PNKD: variants seen among roughly 807,000 people sequenced by gnomAD.
The protein encoded by PNKD is probable thioesterase PNKD.
A neutral mutation model predicts 45.3 loss-of-function variants in PNKD; 36 were observed. The ratio of observed to expected loss-of-function variants is 0.80; its 90% confidence interval spans 0.61 to 1.05. The LOEUF is 1.05. PNKD is among the 50% of genes least tolerant of loss of function. The probability of loss-of-function intolerance (pLI) is 0.00; values close to 1 mark genes in which losing one functional copy is unlikely to be tolerated. For synonymous variants in PNKD, 197 were observed against 210.1 expected (o/e 0.94, Z 0.54); for missense variants, 511 against 506.6 (o/e 1.01, Z -0.08).
At chr2:218,284,927 T>TA (rs1692380884) in intron 2 of PNKD, among the ~76,000 whole-genome samples, 1 of 152,042 alleles carries the variant, frequency 6.6e-6, no homozygotes, top group South Asian at 2.1e-4. Context: ...CCGTCTCTAC[T>TA]AAAAATATAA....
chr2:218,308,345 C>T (rs1015875269), intron 2 of PNKD, among the ~76,000 whole-genome samples: 1 of 151,884 alleles, frequency 6.6e-6, no homozygotes, highest in Non-Finnish European at 1.5e-5. Flanking sequence ...CCCGCCACTA[C>T]ACCCAACTAA....
intron 2 of PNKD, among the ~76,000 whole-genome samples, chr2:218,304,009 T>G (rs1453495184): frequency 1.3e-5 from 2 of 152,192 alleles, no homozygotes; most frequent in African/African-American, 4.8e-5. Flanking sequence ...CAGCTGAGTT[T>G]GGCAGTGGAG....
At chr2:218,271,289 CAGCCGCTCCTCCCA>C in intron 1 of PNKD, 78 bp from the exon 2 acceptor site, 1 of 1,055,672 alleles carries the variant, frequency 9.5e-7, no homozygotes, top group Non-Finnish European at 1.5e-6. Context: ...CCCCAGATCT[CAGCCGCTCCTCCCA>C]AGCCCTTACT....
Position 218,342,120 on chromosome 2 carries a change from G to T in PNKD, c.757G>T (p.Asp253Tyr). Residue 253 changes from aspartate to tyrosine, a missense_variant, in exon 7 of 10, where the codon GAC (aspartate) becomes TAC (tyrosine). Physicochemically the swap from Asp to Tyr is radical, Grantham distance 160 (BLOSUM62 -3). Coordinates refer to ENST00000273077, the MANE Select transcript of PNKD (RefSeq NM_015488.5). Reference sequence around the variant, plus strand: ...GGGTCCCTCCTGCCTCTTCTCAGGGGACCTGCTCTTCCTCTCTGGCTGTGG... The same window carrying T: ...GGGTCCCTCCTGCCTCTTCTCAGGGTACCTGCTCTTCCTCTCTGGCTGTGG... Reference protein sequence around the residue: ...YKGPSCLFSGDLLFLSGCGRT... With the variant: ...YKGPSCLFSGYLLFLSGCGRT... 1 of 1,613,710 alleles carries T rather than the reference G, an allele frequency of 6.2e-7. No individual in the cohort carries two copies. Among genetic ancestry groups the T allele is most frequent in the Non-Finnish European group, 8.5e-7 (1 of 1,179,924 alleles).
intron 2 of PNKD, among the ~76,000 whole-genome samples, chr2:218,313,827 T>G (rs1357870190): frequency 6.6e-6 from 1 of 152,172 alleles, no homozygotes; most frequent in Admixed American, 6.6e-5. Flanking sequence ...CTTCAGGATT[T>G]TATTCTTGTT....
At chr2:218,293,643 T>TG (rs1357093522) in intron 2 of PNKD, among the ~76,000 whole-genome samples, 3 of 141,746 alleles carry the variant, frequency 2.1e-5, no homozygotes, top group Non-Finnish European at 3.0e-5. Context: ...TGGAGTGCAG[T>TG]GGCGCCATCT....
chr2:218,298,671 C>G lies in PNKD; in HGVS notation c.236+27122C>G, dbSNP rs551260154. Among the ~76,000 whole-genome samples, 3 of 152,194 alleles carry G rather than the reference C, an allele frequency of 2.0e-5. No individual in the cohort carries two copies. The East Asian group carries it at 5.8e-4, about 29-fold the overall frequency. ...CAGGGCCTGGAGGGATGAACTTGCC[C>G]GAGCTGGGAGCTCAGCAGGGCCAGG... On this transcript the variant is annotated intron_variant, in intron 2 of 9. Coordinates refer to ENST00000273077, the MANE Select transcript of PNKD (RefSeq NM_015488.5).
Position 218,284,241 on chromosome 2 carries a change from T to TC in PNKD, c.236+12695dup, listed in dbSNP as rs1692316535. On this transcript the variant is annotated intron_variant, in intron 2 of 9. Transcript: ENST00000273077. ...CCAACCGTGATGTCACCATGACGTG[T>TC]CCCAGCACCTCCTCAGGGTGCACCT... 2.0e-5 allele frequency: 3 copies of TC among 151,522 alleles called. No individual in the cohort carries two copies. In the South Asian group the frequency reaches 6.3e-4, roughly 32 times the overall value. The allele number at this position is 151,522 out of a possible 1,614,324, so 9.4% of individuals were successfully genotyped here. A position where few individuals can be genotyped will look rare whatever the true frequency, so the allele number is the denominator to read the frequency against.
intron 2 of PNKD, among the ~76,000 whole-genome samples, chr2:218,293,629 A>T (rs1693055405): frequency 8.3e-6 from 1 of 121,140 alleles, no homozygotes; most frequent in South Asian, 2.8e-4. Context: ...TCTGTCACCC[A>T]GGCTGGAGTG....
rs1264456475 is a variant in PNKD, at chr2:218,271,633, G to A, written c.236+84G>A. The A allele has an allele frequency of 4.0e-6, 5 of 1,243,606 alleles. No individual in the cohort carries two copies. In the South Asian group the frequency reaches 5.3e-5, roughly 13 times the overall value. 77.0% of individuals were successfully genotyped at this position (1,243,606 alleles called of 1,614,324 possible). On this transcript the variant is annotated intron_variant, in intron 2 of 9. Coordinates refer to ENST00000273077, the MANE Select transcript of PNKD (RefSeq NM_015488.5). ...ACTTAGAAACTTCTCCAAGTTTCAG[G>A]TGGCGAGCTGAATCCAAAGTTGTGG...
chr2:218,340,205 G>A lies in PNKD; in HGVS notation c.465+64G>A. On this transcript the variant is annotated intron_variant, in intron 4 of 9. Transcript: ENST00000273077. This position sits in a 1 kb window ranked among gnomAD's most constrained non-coding sequence, Gnocchi z 4.2. ...CCTTGGGGACTGGCAGTTTCGCCTT[G>A]CTAGAGAGGGCTGACCCTTGTCCGT... is the stretch of plus-strand genomic sequence containing the variant. 1 of 967,052 alleles carries A rather than the reference G, an allele frequency of 1.0e-6. No homozygotes were observed. The highest frequency in any genetic ancestry group is 1.7e-6 in the Non-Finnish European group (1 of 598,796). 59.9% of individuals were successfully genotyped at this position (967,052 alleles called of 1,614,324 possible). A position where few individuals can be genotyped will look rare whatever the true frequency, so the allele number is the denominator to read the frequency against.
At chr2:218,308,337 C>A (rs1237194593) in intron 2 of PNKD, among the ~76,000 whole-genome samples, 3 of 151,408 alleles carry the variant, frequency 2.0e-5, no homozygotes, top group African/African-American at 7.3e-5. Flanking sequence ...TTCAGGCACC[C>A]GCCACTACAC....
At chr2:218,284,276 A>T (rs1427164389) in intron 2 of PNKD, 1 of 152,190 alleles carries the variant, frequency 6.6e-6, no homozygotes, top group African/African-American at 2.4e-5. Context: ...TCTGTGAAAT[A>T]AGGTGGGGGC....
intron 2 of PNKD, among the ~76,000 whole-genome samples, chr2:218,288,242 C>T (rs1301343290): frequency 6.6e-6 from 1 of 152,118 alleles, no homozygotes; most frequent in African/African-American, 2.4e-5. Context: ...TCCTGGCTAA[C>T]ATGGTGAAAC....
At chr2:218,281,988 C>G in intron 2 of PNKD, 1 of 1,606,710 alleles carries the variant, frequency 6.2e-7, no homozygotes, top group Non-Finnish European at 8.5e-7. Context: ...TGTGGGTAGC[C>G]AGCAGGGTGA....
At chr2:218,310,278 A>G (rs1693563699) in intron 2 of PNKD, among the ~76,000 whole-genome samples, 1 of 152,206 alleles carries the variant, frequency 6.6e-6, no homozygotes, top group Admixed American at 6.5e-5. Flanking sequence ...GCTGGAGTGC[A>G]GTGGTGCAAT....
chr2:218,294,688 C>T (rs536705284), intron 2 of PNKD, among the ~76,000 whole-genome samples: 7 of 152,274 alleles, frequency 4.6e-5, no homozygotes, highest in Admixed American at 1.3e-4. Context: ...ATGTTGCCCA[C>T]GCTGGTCTTG....
rs780814768 is a variant in PNKD at position 218,340,721 on chromosome 2, C to T, written c.466-7C>T. On this transcript the variant is annotated splice_polypyrimidine_tract_variant and splice_region_variant and intron_variant, in intron 4 of 9. Transcript: ENST00000273077. The surrounding 1 kb of genome is among the most constrained non-coding windows in gnomAD (Gnocchi z 4.2). ...TCCCCAGTCTCCAAACCTCCTCTCT[C>T]TCGCAGGCTTCCATTGAAAAGGAAG... The T allele has an allele frequency of 6.2e-6, 10 of 1,613,102 alleles. No individual in the cohort carries two copies. The highest frequency in any genetic ancestry group is 5.0e-5 in the Admixed American group (3 of 60,012).
At chr2:218,295,321 C>T (rs1299535644) in intron 2 of PNKD, among the ~76,000 whole-genome samples, 1 of 152,210 alleles carries the variant, frequency 6.6e-6, no homozygotes, top group Non-Finnish European at 1.5e-5. Flanking sequence ...AGCCCCTGCT[C>T]TCAAGAAACT....
Sources: gnomAD v4.1 joint callset for allele counts (sites outside exome capture counted in the v4.1 genomes callset) on GRCh38, gnomAD v4.1.1 for gene constraint, Gnocchi (gnomAD v3.1) non-coding constraint, MANE v1.5 for transcripts, NCBI Gene and HGNC (gene_info 2026-07-23, HGNC 2026-07-21) for gene names.